PCDHA1: variants seen among roughly 807,000 people sequenced by gnomAD.
PCDHA1 encodes protocadherin alpha 1, also known as protocadherin alpha-1.
PCDHA1 carries 42 observed loss-of-function variants against 61.3 expected under a neutral mutation model. That is an observed-to-expected ratio of 0.69 (90% CI 0.54 to 0.89). PCDHA1 has a LOEUF of 0.89. Among genes scored for constraint, PCDHA1 ranks in the 40% least tolerant of loss-of-function variants. The pLI is 0.00. For missense variants in PCDHA1, 1,256 were observed against 1,235.3 expected (o/e 1.02, Z -0.25); for synonymous variants, 610 against 553.8 (o/e 1.10, Z -1.43).
In PCDHA1 at chr5:140,788,363, G is replaced by T. The variant is rs782643425; in HGVS notation, c.2073G>T (p.Ala691=). 1 of 1,613,990 alleles carries T rather than the reference G, an allele frequency of 6.2e-7. No individual in the cohort carries two copies. Among genetic ancestry groups the T allele is most frequent in the Non-Finnish European group, 8.5e-7 (1 of 1,179,956 alleles). ...CGGTGGGTGTCGCGGGCCCAGAGGCGGCGCTGGTGGATGTCAACGTGTACC... is the reference window on the plus strand; with the variant it reads ...CGGTGGGTGTCGCGGGCCCAGAGGCTGCGCTGGTGGATGTCAACGTGTACC... ...RASVGVAGPE[A]ALVDVNVYLI... Residue 691 remains alanine, a synonymous_variant, in exon 1 of 4, where the codon GCG becomes GCT. Transcript: ENST00000504120.
At chr5:140,824,011 AGCTGGTCGTACTC>A (rs1227166716) in intron 1 of PCDHA1, 2 of 1,613,900 alleles carry the variant, frequency 1.2e-6, no homozygotes, top group Non-Finnish European at 1.7e-6. Context: ...CGCGGTGGGG[AGCTGGTCGTACTC>A]GCAGCAGAGG....
chr5:140,932,187 T>C (rs2153611225), intron 1 of PCDHA1, among the ~76,000 whole-genome samples: 1 of 152,028 alleles, frequency 6.6e-6, no homozygotes, highest in Admixed American at 6.5e-5. Context: ...CTCATGTCCA[T>C]TTTTTTCTGT....
At chr5:141,007,974 A>G (rs2098354254) in intron 3 of PCDHA1, among the ~76,000 whole-genome samples, 1 of 152,220 alleles carries the variant, frequency 6.6e-6, no homozygotes, top group Non-Finnish European at 1.5e-5. Flanking sequence ...GGTGTCTGTC[A>G]TGTATATATG....
chr5:140,788,052 G>A lies in PCDHA1; in HGVS notation c.1762G>A (p.Gly588Ser), dbSNP rs573116174. 1.2e-4 allele frequency: 199 copies of A among 1,614,024 alleles called. 4 individuals carry two copies. In the South Asian group the frequency reaches 2.0e-3, roughly 16 times the overall value. Residue 588 changes from glycine (G) to serine (S), a missense_variant, in exon 1 of 4, where the codon GGT becomes AGT. Coordinates refer to ENST00000504120, the MANE Select transcript of PCDHA1 (RefSeq NM_018900.4). ...SELVPRLVGA[G>S]HVVAKVRAVD... ...GCTGGTGCCGCGATTGGTGGGTGCGGGTCATGTGGTGGCGAAGGTGCGCGC... is the reference window on the plus strand; with the variant it reads ...GCTGGTGCCGCGATTGGTGGGTGCGAGTCATGTGGTGGCGAAGGTGCGCGC...
chr5:140,993,462 T>TCTCACACACACA (rs1235362335), intron 3 of PCDHA1, among the ~76,000 whole-genome samples: 1 of 140,938 alleles, frequency 7.1e-6, no homozygotes, highest in African/African-American at 2.6e-5. Context: ...TCTTTCTTTC[T>TCTCACACACACA]CACACACACA....
intron 1 of PCDHA1, chr5:140,966,442 T>C (rs1474683794): frequency 4.7e-6 from 2 of 424,056 alleles, no homozygotes; most frequent in East Asian, 3.6e-5. Flanking sequence ...TACCGCTCCC[T>C]TTCCCCCTCC....
chr5:140,871,525 A>T, intron 1 of PCDHA1: 1 of 1,546,090 alleles, frequency 6.5e-7, no homozygotes, highest in Non-Finnish European at 8.7e-7. Flanking sequence ...ACCTATCAGG[A>T]AGTGTATGTG....
intron 3 of PCDHA1, among the ~76,000 whole-genome samples, chr5:141,007,036 A>G (rs1018909399): frequency 4.6e-5 from 7 of 152,200 alleles, no homozygotes; most frequent in African/African-American, 1.4e-4. Context: ...ATTTATATCT[A>G]TGGATATGGC....
At chr5:140,901,927 A>C (rs2068986448) in intron 1 of PCDHA1, among the ~76,000 whole-genome samples, 1 of 151,764 alleles carries the variant, frequency 6.6e-6, no homozygotes. Context: ...TCTTTGGTTA[A>C]TTCCTAGGTA....
intron 1 of PCDHA1, among the ~76,000 whole-genome samples, chr5:140,934,231 C>T (rs2089713851): frequency 6.6e-6 from 1 of 152,014 alleles, no homozygotes; most frequent in African/African-American, 2.4e-5. Context: ...AAGATTTGTA[C>T]TTAATTGTGG....
chr5:140,915,204 C>A (rs2077022161), intron 1 of PCDHA1, among the ~76,000 whole-genome samples: 1 of 152,120 alleles, frequency 6.6e-6, no homozygotes, highest in African/African-American at 2.4e-5. Flanking sequence ...ATCTTGGCCT[C>A]CCAAAGTGCT....
Position 140,928,358 on chromosome 5 carries a change from CT to C in PCDHA1, c.2395-50590del, listed in dbSNP as rs782782118. 3.7e-6 allele frequency: 6 copies of C among 1,614,178 alleles called. No homozygotes were observed. In the Admixed American group the frequency reaches 1.0e-4, roughly 27 times the overall value. ...TCTTATGAGCTGTTGGATGTTATCT[CT>C]GAAGGGCCATCAGCCTCTAGCTTGC... On this transcript the variant is annotated intron_variant, in intron 1 of 3. Coordinates refer to ENST00000504120, the MANE Select transcript of PCDHA1 (RefSeq NM_018900.4).
intron 1 of PCDHA1, among the ~76,000 whole-genome samples, chr5:140,818,380 G>C (rs2150101126): frequency 6.6e-6 from 1 of 152,074 alleles, no homozygotes; most frequent in Non-Finnish European, 1.5e-5. Flanking sequence ...TTGAATCGTG[G>C]CATTTTTCCA....
chr5:140,797,196 C>A (rs950362501), intron 1 of PCDHA1: 1 of 1,614,128 alleles, frequency 6.2e-7, no homozygotes, highest in Non-Finnish European at 8.5e-7. Flanking sequence ...GCTCCAGCGC[C>A]GTGGGGAGCT....
intron 1 of PCDHA1, chr5:140,805,308 C>CT: frequency 7.8e-7 from 1 of 1,274,928 alleles, no homozygotes; most frequent in Non-Finnish European, 9.9e-7. Flanking sequence ...ATTCTTCCTC[C>CT]TTTTTTCCAA....
intron 1 of PCDHA1, chr5:140,804,662 A>G (rs1396834660): frequency 6.3e-6 from 1 of 157,588 alleles, no homozygotes; most frequent in Non-Finnish European, 1.4e-5. Flanking sequence ...GTGCCATGCA[A>G]TAAGTAGAAA....
intron 1 of PCDHA1, among the ~76,000 whole-genome samples, chr5:140,940,100 C>T (rs536415343): frequency 6.6e-6 from 1 of 152,094 alleles, no homozygotes; most frequent in South Asian, 2.1e-4. Flanking sequence ...AAACTTTTAG[C>T]GTTATGTATT....
chr5:140,799,703 T>C (rs1762467427), intron 1 of PCDHA1, among the ~76,000 whole-genome samples: 1 of 152,108 alleles, frequency 6.6e-6, no homozygotes, highest in Non-Finnish European at 1.5e-5. Flanking sequence ...AATGATAAAA[T>C]CTGAGTAAGT....
intron 1 of PCDHA1, chr5:140,801,474 G>A: frequency 6.2e-7 from 1 of 1,614,096 alleles, no homozygotes; most frequent in Non-Finnish European, 8.5e-7. Context: ...GATAGACCGC[G>A]AGGAACTGTG....
Sources: gnomAD v4.1 joint callset for allele counts (sites outside exome capture counted in the v4.1 genomes callset) on GRCh38, gnomAD v4.1.1 for gene constraint, MANE v1.5 for transcripts, NCBI Gene and HGNC (gene_info 2026-07-23, HGNC 2026-07-21) for gene names.